The following KIF26B variants were observed in gnomAD, a reference collection of about 807,000 sequenced individuals.
KIF26B encodes kinesin family member 26B.
In KIF26B, 63 loss-of-function variants were observed where a neutral mutation model predicts 151.2. The ratio of observed to expected loss-of-function variants is 0.42; its 90% confidence interval spans 0.34 to 0.51. KIF26B has a LOEUF of 0.51. Ranked by LOEUF, KIF26B falls within the 20% of genes least tolerant of loss-of-function variation. The pLI is 0.07. For missense variants in KIF26B, 2,813 were observed against 2,913.6 expected, an observed-to-expected ratio of 0.97 and a Z score of 0.79; for synonymous variants, 1,357 against 1,262.1, an observed-to-expected ratio of 1.08 and a Z score of -1.59.
chr1:245,380,876 C>A (rs1157443915), intron 3 of KIF26B, among the ~76,000 whole-genome samples: 5 of 149,010 alleles, frequency 3.4e-5, no homozygotes, highest in African/African-American at 1.0e-4. Context: ...GAACTCAATG[C>A]GCTGTATTGT....
chr1:245,530,046 A>G (rs2103096178), intron 4 of KIF26B, among the ~76,000 whole-genome samples: 2 of 152,362 alleles, frequency 1.3e-5, no homozygotes, highest in African/African-American at 4.8e-5. Context: ...GAAAGAAGAC[A>G]TACAAGTGGC....
chr1:245,679,519 A>C (rs1375247241), intron 10 of KIF26B, among the ~76,000 whole-genome samples: 1 of 115,386 alleles, frequency 8.7e-6, no homozygotes, highest in Admixed American at 1.3e-4. Flanking sequence ...CCCAGGCTGG[A>C]GTGCAGTGGC....
chr1:245,380,298 T>G (rs1486047084), intron 3 of KIF26B, among the ~76,000 whole-genome samples: 3 of 152,062 alleles, frequency 2.0e-5, no homozygotes, highest in African/African-American at 4.8e-5. Context: ...CTTGAGACAC[T>G]GGGGAGAAAA....
chr1:245,632,802 G>A (rs1475346005), intron 9 of KIF26B, among the ~76,000 whole-genome samples: 6 of 152,170 alleles, frequency 3.9e-5, no homozygotes, highest in African/African-American at 1.2e-4. Context: ...CAGCTACTCC[G>A]GAGGCCAAGG....
At chr1:245,184,986 A>C (rs1668975409) in intron 2 of KIF26B, among the ~76,000 whole-genome samples, 1 of 152,228 alleles carries the variant, frequency 6.6e-6, no homozygotes, top group South Asian at 2.1e-4. Flanking sequence ...ATGGGAGATC[A>C]GGGGATTCCA....
Position 245,155,190 on chromosome 1 carries a change from G to C in KIF26B, c.-235G>C, listed in dbSNP as rs1264919416. On this transcript the variant is annotated 5_prime_UTR_variant, in exon 1 of 15. Transcript: ENST00000407071. ...GGCTGGAAGAGGCAGAAGGGGACGA[G>C]GAAAAGCATGCTTTGAAGAGAAGAA... 1.1e-5 allele frequency: 6 copies of C among 561,154 alleles called. No individual in the cohort carries two copies. The highest frequency in any genetic ancestry group is 2.5e-5 in the South Asian group (1 of 39,938). The allele number at this position is 561,154 out of a possible 1,614,324, so 34.8% of individuals were successfully genotyped here.
At position 245,646,109 on chromosome 1, in the gene KIF26B, C is replaced by T. The variant is rs1160167247; in HGVS notation, c.2099-12C>T. The stretch of plus-strand genomic sequence containing the variant: ...CTTAACCATTTCTCTTTTATCTTCT[C>T]CCCTGTGGTAGTGTCTGGAGGTCGC... On this transcript the variant is annotated splice_polypyrimidine_tract_variant and intron_variant, in intron 9 of 14. Transcript: ENST00000407071. 1.2e-6 allele frequency: 2 copies of T among 1,613,058 alleles called. No individual in the cohort carries two copies. Among genetic ancestry groups the T allele is most frequent in the Non-Finnish European group, 1.7e-6 (2 of 1,179,402 alleles).
intron 2 of KIF26B, among the ~76,000 whole-genome samples, chr1:245,355,605 A>AAT (rs1558400581): frequency 6.8e-6 from 1 of 147,994 alleles, no homozygotes; most frequent in East Asian, 1.9e-4. Context: ...CAAAAAAAAA[A>AAT]AAAAAAAGAA....
intron 14 of KIF26B, among the ~76,000 whole-genome samples, chr1:245,700,548 A>G (rs1208704791): frequency 6.6e-6 from 1 of 152,134 alleles, no homozygotes; most frequent in African/African-American, 2.4e-5. Context: ...AAATACAAAA[A>G]TTAGCCGGGC....
chr1:245,315,774 A>G lies in KIF26B; in HGVS notation c.466-51060A>G, dbSNP rs571558124. Among the ~76,000 whole-genome samples, 148 of 151,866 alleles carry G rather than the reference A, an allele frequency of 9.7e-4. 1 individual carries two copies. Among genetic ancestry groups the G allele is most frequent in the Admixed American group, 2.6e-3 (39 of 15,270 alleles). On this transcript the variant is annotated intron_variant, in intron 2 of 14. Coordinates refer to ENST00000407071, the MANE Select transcript of KIF26B (RefSeq NM_018012.4). ...GTGTGGTGGTGCACGTCGTGGTCCCAGATACTCAAGAGGCTGCTGACGTGG... is the reference window on the plus strand; with the variant it reads ...GTGTGGTGGTGCACGTCGTGGTCCCGGATACTCAAGAGGCTGCTGACGTGG...
chr1:245,192,925 T>G lies in KIF26B; in HGVS notation c.465+36242T>G, dbSNP rs560540615. On this transcript the variant is annotated intron_variant, in intron 2 of 14. Transcript: ENST00000407071. The stretch of plus-strand genomic sequence containing the variant: ...TTTTACTTTTAGTCTCAGGGCACTG[T>G]GCAGGTTTGTGATACAGGTAAGTTG... Among the ~76,000 whole-genome samples, 26 of 152,268 alleles carry G rather than the reference T, an allele frequency of 1.7e-4. No homozygotes were observed. The South Asian group carries it at 5.2e-3, about 30-fold the overall frequency.
chr1:245,156,229 G>A, intron 1 of KIF26B, 53 bp from the exon 2 acceptor site: 1 of 1,524,618 alleles, frequency 6.6e-7, no homozygotes, highest in Non-Finnish European at 8.8e-7. Context: ...CAGCTCCTGG[G>A]CGCTGCAGCC....
intron 4 of KIF26B, among the ~76,000 whole-genome samples, chr1:245,506,235 A>G (rs12568119): frequency 0.32 from 49,115 of 151,922 alleles, 8,278 homozygotes; most frequent in East Asian, 0.47. Flanking sequence ...TGTCACAGAC[A>G]CTCCTGTGTT....
chr1:245,194,234 C>T (rs977749613), intron 2 of KIF26B, among the ~76,000 whole-genome samples: 5 of 152,124 alleles, frequency 3.3e-5, no homozygotes, highest in African/African-American at 7.2e-5. Flanking sequence ...TTAAAATTTG[C>T]CCCTCATTTG....
At position 245,521,119 on chromosome 1, in the gene KIF26B, C is replaced by T. The variant is rs551247251; in HGVS notation, c.1167-19648C>T. 2.2e-3 allele frequency among the ~76,000 whole-genome samples: 341 copies of T among 152,192 alleles called. 1 individual carries two copies. The highest frequency in any genetic ancestry group is 7.4e-3 in the African/African-American group (307 of 41,520). On this transcript the variant is annotated intron_variant, in intron 4 of 14. Coordinates refer to ENST00000407071, the MANE Select transcript of KIF26B (RefSeq NM_018012.4). ...TTGGGAGGCCGAGGCGGGCGGATCA[C>T]GAGGTCAGGAGATCAAGACCATCCT... is the stretch of plus-strand genomic sequence containing the variant.
chr1:245,362,740 C>T (rs1021082277), intron 2 of KIF26B, among the ~76,000 whole-genome samples: 1 of 152,174 alleles, frequency 6.6e-6, no homozygotes, highest in African/African-American at 2.4e-5. Flanking sequence ...TCCCAAAGTG[C>T]TGGGATTACA....
rs908070437 is a variant in KIF26B, at chr1:245,448,641, G to A, written c.1166+28896G>A. Among the ~76,000 whole-genome samples the A allele has an allele frequency of 6.6e-5, 10 of 152,304 alleles. No homozygotes were observed. In the South Asian group the frequency reaches 1.7e-3, roughly 25 times the overall value. ...TGTGAGTTATGGCTGATGCTCAAAA[G>A]CCTGGAGGACGCCTTGCAGCTCTTT... On this transcript the variant is annotated intron_variant, in intron 4 of 14. Coordinates refer to ENST00000407071, the MANE Select transcript of KIF26B (RefSeq NM_018012.4).
intron 2 of KIF26B, among the ~76,000 whole-genome samples, chr1:245,294,784 T>C (rs983645114): frequency 1.3e-5 from 2 of 152,116 alleles, no homozygotes; most frequent in Non-Finnish European, 2.9e-5. Context: ...TGTCTCAGCT[T>C]CCCGAGTAGC....
chr1:245,469,086 C>T (rs1238276307), intron 4 of KIF26B, among the ~76,000 whole-genome samples: 1 of 146,366 alleles, frequency 6.8e-6, no homozygotes, highest in Non-Finnish European at 1.5e-5. Flanking sequence ...AAGAGTCCCT[C>T]CTCAACTGGC....
Sources: gnomAD v4.1 joint callset for allele counts (sites outside exome capture counted in the v4.1 genomes callset) on GRCh38, gnomAD v4.1.1 for gene constraint, MANE v1.5 for transcripts, NCBI Gene and HGNC (gene_info 2026-07-23, HGNC 2026-07-21) for gene names.